The following PRKN variants were observed in gnomAD, a reference collection of about 807,000 sequenced individuals.
PRKN encodes the protein parkin RBR E3 ubiquitin protein ligase.
Under a neutral mutation model 59.5 loss-of-function variants are expected in PRKN, and 56 were observed. That is an observed-to-expected ratio of 0.94 (90% CI 0.76 to 1.18). PRKN has a LOEUF of 1.18. Among genes scored for constraint, PRKN ranks in the 50% most tolerant of loss-of-function variants. PRKN has a pLI of 0.00. For synonymous variants in PRKN, 250 were observed against 222.1 expected (o/e 1.13, Z -1.12); for missense variants, 657 against 596.4 (o/e 1.10, Z -1.06).
chr6:161,654,729 A>T (rs1238501957), intron 7 of PRKN, among the ~76,000 whole-genome samples: 1 of 152,212 alleles, frequency 6.6e-6, no homozygotes, highest in African/African-American at 2.4e-5. Flanking sequence ...GGACACAGTG[A>T]GCATGGTGGT....
chr6:161,348,811 C>G lies in PRKN; in HGVS notation c.*1288G>C. On this transcript the variant is annotated 3_prime_UTR_variant, in exon 12 of 12. Transcript: ENST00000366898. This position sits in a 1 kb window ranked among gnomAD's most constrained non-coding sequence, Gnocchi z 4.9. ...ACAAAAGATAGTGGTTGTACTTTCT[C>G]TTCTGCGTAGTGTGGGTAAGAGCAT... 1 of 210,320 alleles carries G rather than the reference C, an allele frequency of 4.8e-6. No individual in the cohort carries two copies. The highest frequency in any genetic ancestry group is 1.9e-4 in the South Asian group (1 of 5,332). The allele number at this position is 210,320 out of a possible 1,614,324, so 13.0% of individuals were successfully genotyped here. A position where few individuals can be genotyped will look rare whatever the true frequency, so the allele number is the denominator to read the frequency against.
chr6:162,658,079 A>C (rs1034042535), intron 1 of PRKN, among the ~76,000 whole-genome samples: 2 of 152,218 alleles, frequency 1.3e-5, no homozygotes, highest in Admixed American at 6.5e-5. Context: ...AAACCTCTGC[A>C]TGGTACAACA....
At chr6:161,517,739 C>CGAAAAA (rs1778666247) in intron 9 of PRKN, among the ~76,000 whole-genome samples, 1 of 48,382 alleles carries the variant, frequency 2.1e-5, no homozygotes, top group Non-Finnish European at 3.4e-5. Context: ...GACTCTATCT[C>CGAAAAA]AAAAAAAAAA....
intron 11 of PRKN, 98 bp from the exon 12 acceptor site, chr6:161,350,309 G>A: frequency 1.2e-6 from 1 of 800,102 alleles, no homozygotes; most frequent in Non-Finnish European, 2.1e-6. Flanking sequence ...ATCACTTTCT[G>A]AGCGAATAAT....
At chr6:162,375,396 T>G (rs1295682091) in intron 2 of PRKN, among the ~76,000 whole-genome samples, 1 of 150,970 alleles carries the variant, frequency 6.6e-6, no homozygotes, top group Non-Finnish European at 1.5e-5. Context: ...TATCTGCTTA[T>G]CAACTCCTGT....
chr6:161,850,533 A>G (rs1002671310), intron 6 of PRKN, among the ~76,000 whole-genome samples: 4 of 137,960 alleles, frequency 2.9e-5, no homozygotes, highest in Admixed American at 1.6e-4. Flanking sequence ...CTGAGATTGC[A>G]CCACTGCACT....
intron 6 of PRKN, among the ~76,000 whole-genome samples, chr6:161,931,513 T>C (rs1259305160): frequency 2.0e-5 from 3 of 152,154 alleles, no homozygotes; most frequent in African/African-American, 4.8e-5. Flanking sequence ...TCCCTTGATA[T>C]TGAACTTCCC....
chr6:161,701,787 A>G (rs958928325), intron 7 of PRKN, among the ~76,000 whole-genome samples: 3 of 152,242 alleles, frequency 2.0e-5, no homozygotes, highest in African/African-American at 7.2e-5. Flanking sequence ...AGACATTACA[A>G]GTCATTATGT....
intron 7 of PRKN, among the ~76,000 whole-genome samples, chr6:161,733,874 C>T (rs1189974378): frequency 7.0e-5 from 10 of 143,636 alleles, no homozygotes; most frequent in African/African-American, 2.6e-4. Context: ...TTTTAAACTA[C>T]AAGTCTGTCT....
chr6:161,766,322 T>TTTTTTTTG (rs1789422143), intron 7 of PRKN, among the ~76,000 whole-genome samples: 2 of 151,318 alleles, frequency 1.3e-5, no homozygotes, highest in South Asian at 4.2e-4. Flanking sequence ...ACATTTTTTT[T>TTTTTTTTG]TTTTTAGACA....
intron 2 of PRKN, among the ~76,000 whole-genome samples, chr6:162,402,615 G>T (rs1583509457): frequency 6.6e-6 from 1 of 151,314 alleles, no homozygotes; most frequent in South Asian, 2.1e-4. Context: ...AATAGTAGGG[G>T]TTTGTGTCTT....
intron 1 of PRKN, among the ~76,000 whole-genome samples, chr6:162,493,418 A>T (rs955293628): frequency 2.6e-5 from 4 of 152,200 alleles, no homozygotes; most frequent in Non-Finnish European, 5.9e-5. Flanking sequence ...GGCAGCAATG[A>T]GCCAAGGACA....
intron 4 of PRKN, among the ~76,000 whole-genome samples, chr6:162,101,255 T>C (rs952669747): frequency 1.3e-5 from 2 of 151,880 alleles, no homozygotes; most frequent in South Asian, 4.2e-4. Context: ...GATTTTTGTA[T>C]ATGAGGTCAG....
intron 1 of PRKN, among the ~76,000 whole-genome samples, chr6:162,480,399 G>A (rs778524973): frequency 1.3e-5 from 2 of 152,078 alleles, no homozygotes; most frequent in Admixed American, 6.5e-5. Context: ...TGAATGATAC[G>A]GACAATTACT....
chr6:162,418,969 T>C (rs1788808381), intron 2 of PRKN, among the ~76,000 whole-genome samples: 1 of 151,346 alleles, frequency 6.6e-6, no homozygotes, highest in Non-Finnish European at 1.5e-5. Flanking sequence ...TGTCACAAAC[T>C]GGGAAGCAGG....
intron 1 of PRKN, among the ~76,000 whole-genome samples, chr6:162,725,900 A>G (rs1462421677): frequency 6.6e-6 from 1 of 152,200 alleles, no homozygotes; most frequent in Non-Finnish European, 1.5e-5. Context: ...GCATGGATTT[A>G]ATCATTTATG....
chr6:161,908,833 GA>G (rs1354895181), intron 6 of PRKN, among the ~76,000 whole-genome samples: 1 of 152,080 alleles, frequency 6.6e-6, no homozygotes, highest in African/African-American at 2.4e-5. Flanking sequence ...CAAGAACATG[GA>G]AAAATATAAA....
rs1175501223 is a variant in PRKN, at chr6:161,509,879, C to CAAAAA, written c.1083+38970_1083+38974dup. Among the ~76,000 whole-genome samples the CAAAAA allele has an allele frequency of 3.3e-3, 165 of 49,366 alleles. 3 individuals carry two copies. The highest frequency in any genetic ancestry group is 9.4e-3 in the African/African-American group (159 of 16,868). 32.4% of individuals were successfully genotyped at this position (49,366 alleles called of 152,430 possible). On this transcript the variant is annotated intron_variant, in intron 9 of 11. Coordinates refer to ENST00000366898, the MANE Select transcript of PRKN (RefSeq NM_004562.3). The stretch of plus-strand genomic sequence containing the variant: ...TGGGTGACAGAGTGAGACTCCATCT[C>CAAAAA]AAAAAAAAAAAAAAAAAAAAAAAAG...
chr6:161,946,830 C>T (rs1262685338), intron 6 of PRKN, among the ~76,000 whole-genome samples: 2 of 152,104 alleles, frequency 1.3e-5, no homozygotes, highest in Non-Finnish European at 2.9e-5. Flanking sequence ...AATTACAGTA[C>T]AATGGAATGT....
Sources: gnomAD v4.1 joint callset for allele counts (sites outside exome capture counted in the v4.1 genomes callset) on GRCh38, gnomAD v4.1.1 for gene constraint, Gnocchi (gnomAD v3.1) non-coding constraint, MANE v1.5 for transcripts, NCBI Gene and HGNC (gene_info 2026-07-23, HGNC 2026-07-21) for gene names.